The following FRAS1 variants were observed in gnomAD, a reference collection of about 807,000 sequenced individuals.
FRAS1 encodes the protein extracellular matrix organizing protein FRAS1.
FRAS1 carries 290 observed loss-of-function variants against 435.2 expected under a neutral mutation model. That is an observed-to-expected ratio of 0.67 (90% CI 0.61 to 0.73). The LOEUF is 0.73. Among genes scored for constraint, FRAS1 ranks in the 30% least tolerant of loss-of-function variants. The pLI is 0.00. For missense variants in FRAS1, 4,860 were observed against 5,001.5 expected, an observed-to-expected ratio of 0.97 and a Z score of 0.85; for synonymous variants, 1,800 against 1,851.0, an observed-to-expected ratio of 0.97 and a Z score of 0.71.
intron 27 of FRAS1, among the ~76,000 whole-genome samples, chr4:78,382,117 T>C (rs749018634): frequency 6.6e-6 from 1 of 152,134 alleles, no homozygotes; most frequent in Non-Finnish European, 1.5e-5. Flanking sequence ...AGACAACTTA[T>C]AAGTGTAGTT....
At chr4:78,223,534 A>G (rs915685111) in intron 2 of FRAS1, among the ~76,000 whole-genome samples, 2 of 152,306 alleles carry the variant, frequency 1.3e-5, no homozygotes, top group Admixed American at 6.5e-5. Flanking sequence ...TTAATTCATT[A>G]ATCTAATGAC....
chr4:78,093,794 A>C (rs944549504), intron 2 of FRAS1, among the ~76,000 whole-genome samples: 1 of 152,172 alleles, frequency 6.6e-6, no homozygotes, highest in Non-Finnish European at 1.5e-5. Context: ...CTGAGGACCA[A>C]TTTAAGTGTT....
intron 38 of FRAS1, among the ~76,000 whole-genome samples, chr4:78,435,855 A>T (rs990037423): frequency 1.3e-5 from 2 of 152,214 alleles, no homozygotes; most frequent in Non-Finnish European, 2.9e-5. Flanking sequence ...GAATTTGTAT[A>T]CTGCCTCACA....
chr4:78,455,630 C>T (rs1274859050), intron 47 of FRAS1, among the ~76,000 whole-genome samples: 1 of 152,150 alleles, frequency 6.6e-6, no homozygotes, highest in Non-Finnish European at 1.5e-5. Context: ...ATTGATTGTC[C>T]TCTGTAGACA....
chr4:78,328,203 G>A (rs1729793272), intron 18 of FRAS1, among the ~76,000 whole-genome samples: 4 of 152,158 alleles, frequency 2.6e-5, no homozygotes, highest in Admixed American at 2.6e-4. Context: ...TGCACATTGA[G>A]TAAGGCTATT....
At chr4:78,398,977 C>G (rs2110343169) in intron 29 of FRAS1, among the ~76,000 whole-genome samples, 1 of 151,448 alleles carries the variant, frequency 6.6e-6, no homozygotes, top group African/African-American at 2.4e-5. Flanking sequence ...GAGCAAAATT[C>G]TGTCTCAAAA....
At chr4:78,325,563 A>G (rs569228600) in intron 18 of FRAS1, among the ~76,000 whole-genome samples, 2 of 152,356 alleles carry the variant, frequency 1.3e-5, no homozygotes, top group East Asian at 3.9e-4. Context: ...CTGTACAAAT[A>G]GGTGCCTTCT....
chr4:78,202,623 A>G (rs1437274466), intron 2 of FRAS1, among the ~76,000 whole-genome samples: 1 of 152,190 alleles, frequency 6.6e-6, no homozygotes, highest in Non-Finnish European at 1.5e-5. Flanking sequence ...CCCAGCAAGC[A>G]GAGGTTGCAG....
At chr4:78,309,374 G>A (rs1283918251) in intron 15 of FRAS1, among the ~76,000 whole-genome samples, 2 of 152,354 alleles carry the variant, frequency 1.3e-5, no homozygotes, top group East Asian at 3.9e-4. Context: ...TCAGAAGGCT[G>A]TTGAGAGATC....
intron 58 of FRAS1, among the ~76,000 whole-genome samples, chr4:78,484,900 T>C (rs960000985): frequency 3.3e-5 from 5 of 152,234 alleles, no homozygotes; most frequent in African/African-American, 7.2e-5. Flanking sequence ...TTAATTGGTG[T>C]AGAAGTAGAA....
chr4:78,082,631 A>G (rs1036818022), intron 2 of FRAS1, among the ~76,000 whole-genome samples: 6 of 152,116 alleles, frequency 3.9e-5, no homozygotes, highest in African/African-American at 1.4e-4. Flanking sequence ...CATCAGTTCT[A>G]TTCTTATTTT....
chr4:78,370,082 A>G, intron 23 of FRAS1, 98 bp downstream of exon 23: 1 of 1,181,800 alleles, frequency 8.5e-7, no homozygotes. Flanking sequence ...ACCAGTCATC[A>G]TATATTTTGA....
intron 28 of FRAS1, among the ~76,000 whole-genome samples, chr4:78,384,654 G>C (rs1304754321): frequency 6.6e-6 from 1 of 152,012 alleles, no homozygotes; most frequent in Non-Finnish European, 1.5e-5. Context: ...AGCACTTTGG[G>C]AGGCTGAGGC....
chr4:78,161,158 A>C (rs1721118768), intron 2 of FRAS1, among the ~76,000 whole-genome samples: 1 of 151,706 alleles, frequency 6.6e-6, no homozygotes, highest in Admixed American at 6.6e-5. Context: ...AAAATCTATA[A>C]AAAGAAGCTT....
chr4:78,472,353 G>A, intron 52 of FRAS1, 23 bp downstream of exon 52: 1 of 1,563,072 alleles, frequency 6.4e-7, no homozygotes, highest in Non-Finnish European at 8.7e-7. Context: ...TGGGAACTTA[G>A]AAATGGGAGA....
At chr4:78,339,520 G>GC (rs962254985) in intron 20 of FRAS1, among the ~76,000 whole-genome samples, 3 of 152,188 alleles carry the variant, frequency 2.0e-5, no homozygotes, top group African/African-American at 2.4e-5. Context: ...AAGGCATTAT[G>GC]CGGGGGGGTG....
chr4:78,249,391 T>G (rs968057472), intron 4 of FRAS1, among the ~76,000 whole-genome samples: 1 of 144,676 alleles, frequency 6.9e-6, no homozygotes, highest in Non-Finnish European at 1.5e-5. Context: ...GGTATGATCT[T>G]GGCTCACTGG....
chr4:78,344,284 G>C (rs146890890), intron 20 of FRAS1, among the ~76,000 whole-genome samples: 1 of 152,162 alleles, frequency 6.6e-6, no homozygotes, highest in Non-Finnish European at 1.5e-5. Context: ...TATATGAAAA[G>C]TGCTGTGCTA....
chr4:78,222,194 C>T (rs1198586513), intron 2 of FRAS1, among the ~76,000 whole-genome samples: 1 of 152,138 alleles, frequency 6.6e-6, no homozygotes, highest in Non-Finnish European at 1.5e-5. Flanking sequence ...TGGGAGGACT[C>T]CTGTGGAATC....
Sources: gnomAD v4.1 joint callset for allele counts (sites outside exome capture counted in the v4.1 genomes callset) on GRCh38, gnomAD v4.1.1 for gene constraint, MANE v1.5 for transcripts, NCBI Gene and HGNC (gene_info 2026-07-23, HGNC 2026-07-21) for gene names.